Variants in GABRB1 observed in about 807,000 individuals in gnomAD.
GABRB1 encodes gamma-aminobutyric acid receptor subunit beta-1.
Under a neutral mutation model 51.6 loss-of-function variants are expected in GABRB1, and 17 were observed. The ratio of observed to expected loss-of-function variants is 0.33; its 90% CI spans 0.23 to 0.49. The LOEUF is 0.49. Ranked by LOEUF, GABRB1 falls within the 20% of genes least tolerant of loss-of-function variation. The probability of loss-of-function intolerance (pLI) is 0.99; values close to 1 mark genes in which losing one functional copy is unlikely to be tolerated. For synonymous variants in GABRB1, 247 were observed against 218.9 expected, an observed-to-expected ratio of 1.13 and a Z score of -1.14; for missense variants, 410 against 600.6, an observed-to-expected ratio of 0.68 and a Z score of 3.32.
At chr4:47,124,040 A>T (rs939674401) in intron 3 of GABRB1, among the ~76,000 whole-genome samples, 1 of 142,466 alleles carries the variant, frequency 7.0e-6, no homozygotes, top group Non-Finnish European at 1.5e-5. Flanking sequence ...ATACCTGAAA[A>T]AAATATATAT....
intron 5 of GABRB1, among the ~76,000 whole-genome samples, chr4:47,320,839 C>T (rs985473772): frequency 1.3e-5 from 2 of 149,938 alleles, no homozygotes; most frequent in Admixed American, 6.6e-5. Flanking sequence ...GCGCCATCTC[C>T]GCTCACCGCA....
intron 3 of GABRB1, among the ~76,000 whole-genome samples, chr4:47,153,947 C>G (rs1296376805): frequency 6.6e-6 from 1 of 151,804 alleles, no homozygotes; most frequent in African/African-American, 2.4e-5. Flanking sequence ...ATAAAGAATG[C>G]ATGTATTTTA....
chr4:47,001,085 G>T (rs1724163172), intron 1 of GABRB1, among the ~76,000 whole-genome samples: 1 of 152,074 alleles, frequency 6.6e-6, no homozygotes, highest in African/African-American at 2.4e-5. Context: ...AATTTGCCTG[G>T]ATCACAGTAC....
chr4:47,069,416 G>T (rs1384934209), intron 3 of GABRB1, among the ~76,000 whole-genome samples: 1 of 151,948 alleles, frequency 6.6e-6, no homozygotes, highest in African/African-American at 2.4e-5. Context: ...CAAATATTTT[G>T]CCAGAGTTTC....
intron 5 of GABRB1, among the ~76,000 whole-genome samples, chr4:47,377,164 A>G (rs1469287533): frequency 6.6e-6 from 1 of 152,090 alleles, no homozygotes; most frequent in East Asian, 1.9e-4. Context: ...TTGTTTTGAG[A>G]CGGAGTTTTG....
intron 1 of GABRB1, among the ~76,000 whole-genome samples, chr4:47,004,288 A>G (rs1192786995): frequency 2.6e-5 from 4 of 152,146 alleles, no homozygotes; most frequent in Non-Finnish European, 5.9e-5. Flanking sequence ...TGCCTGACCT[A>G]CAATAATATA....
intron 5 of GABRB1, among the ~76,000 whole-genome samples, chr4:47,400,265 T>G (rs549203378): frequency 4.9e-4 from 74 of 152,346 alleles, no homozygotes; most frequent in African/African-American, 1.7e-3. Context: ...CTGTAAGTGT[T>G]CCTATATTTT....
intron 5 of GABRB1, among the ~76,000 whole-genome samples, chr4:47,333,670 G>A (rs536705561): frequency 3.3e-5 from 5 of 152,222 alleles, no homozygotes; most frequent in Admixed American, 2.6e-4. Context: ...AGCCAAAATC[G>A]TGCCATTGCA....
intron 3 of GABRB1, among the ~76,000 whole-genome samples, chr4:47,158,231 T>G (rs939559848): frequency 6.6e-6 from 1 of 152,072 alleles, no homozygotes; most frequent in Non-Finnish European, 1.5e-5. Flanking sequence ...ATAAATGCTA[T>G]GTATTAATAT....
chr4:47,063,497 A>G (rs1726930478), intron 3 of GABRB1, among the ~76,000 whole-genome samples: 1 of 152,152 alleles, frequency 6.6e-6, no homozygotes, highest in South Asian at 2.1e-4. Flanking sequence ...GTAATTGCAA[A>G]CCACATAAAT....
At chr4:47,299,253 C>A (rs1487434479) in intron 4 of GABRB1, among the ~76,000 whole-genome samples, 2 of 152,054 alleles carry the variant, frequency 1.3e-5, no homozygotes, top group Non-Finnish European at 2.9e-5. Context: ...TCTCATTAAA[C>A]TAAAGAGCTT....
chr4:47,247,986 A>G (rs1040858942), intron 4 of GABRB1, among the ~76,000 whole-genome samples: 1 of 152,066 alleles, frequency 6.6e-6, no homozygotes, highest in Admixed American at 6.6e-5. Flanking sequence ...CTCTTTACTG[A>G]TTTGGATGCC....
intron 3 of GABRB1, among the ~76,000 whole-genome samples, chr4:47,066,650 CA>C (rs1259776893): frequency 6.6e-6 from 1 of 152,176 alleles, no homozygotes; most frequent in African/African-American, 2.4e-5. Flanking sequence ...CAAGTTTTAT[CA>C]TGAGATTGCA....
chr4:47,099,568 T>C (rs1714632939), intron 3 of GABRB1, among the ~76,000 whole-genome samples: 1 of 152,116 alleles, frequency 6.6e-6, no homozygotes, highest in South Asian at 2.1e-4. Context: ...AACATGTTAA[T>C]AACCATTTTT....
At position 47,406,722 on chromosome 4, in the gene GABRB1, C is replaced by T. The variant is rs2110055018; in HGVS notation, c.876C>T (p.His292=). The part of the protein sequence containing the change: ...TVLTMTTIST[H]LRETLPKIPY... ...TTACAATGACAACCATCAGCACCCA[C>T]CTCAGGGAGACCCTGCCAAAGATCC... is the stretch of plus-strand genomic sequence containing the variant. Residue 292 remains histidine (H), a synonymous_variant, in exon 8 of 9, where the codon CAC becomes CAT. Coordinates refer to ENST00000295454, the MANE Select transcript of GABRB1 (RefSeq NM_000812.4). 6.2e-7 allele frequency: 1 copy of T among 1,614,188 alleles called. No homozygotes were observed. The highest frequency in any genetic ancestry group is 1.1e-5 in the South Asian group (1 of 91,088).
At chr4:46,995,923 A>G (rs1723980089) in intron 1 of GABRB1, among the ~76,000 whole-genome samples, 1 of 152,184 alleles carries the variant, frequency 6.6e-6, no homozygotes, top group Non-Finnish European at 1.5e-5. Context: ...ATTTAAGTTC[A>G]GCTGAAGATA....
chr4:47,346,562 A>C (rs559764034), intron 5 of GABRB1, among the ~76,000 whole-genome samples: 19 of 152,358 alleles, frequency 1.2e-4, no homozygotes, highest in African/African-American at 4.6e-4. Context: ...ATGTGCCAAC[A>C]TCATTGCTGA....
At chr4:47,144,153 G>C (rs1717055284) in intron 3 of GABRB1, among the ~76,000 whole-genome samples, 1 of 151,916 alleles carries the variant, frequency 6.6e-6, no homozygotes, top group Non-Finnish European at 1.5e-5. Context: ...AGTGCCAAAT[G>C]ATAAGGTTGA....
intron 3 of GABRB1, among the ~76,000 whole-genome samples, chr4:47,117,815 G>A (rs1715572706): frequency 6.6e-6 from 1 of 152,130 alleles, no homozygotes; most frequent in African/African-American, 2.4e-5. Context: ...TCATTTGTGT[G>A]ATAAGGAAAA....
Sources: gnomAD v4.1 joint callset for allele counts (sites outside exome capture counted in the v4.1 genomes callset) on GRCh38, gnomAD v4.1.1 for gene constraint, MANE v1.5 for transcripts, NCBI Gene and HGNC (gene_info 2026-07-23, HGNC 2026-07-21) for gene names.